The following SCN8A variants were observed in gnomAD, a reference collection of about 807,000 sequenced individuals.
SCN8A encodes the protein sodium voltage-gated channel alpha subunit 8, also known as sodium channel protein type 8 subunit alpha.
Under a neutral mutation model 184.1 loss-of-function variants are expected in SCN8A, and 30 were observed. The ratio of observed to expected loss-of-function variants is 0.16; its 90% CI spans 0.12 to 0.22. SCN8A has a LOEUF of 0.22. SCN8A is among the 10% of genes least tolerant of loss of function. The pLI is 1.00. For synonymous variants in SCN8A, 852 were observed against 907.0 expected, an observed-to-expected ratio of 0.94 and a Z score of 1.09; for missense variants, 1,057 against 2,498.9, an observed-to-expected ratio of 0.42 and a Z score of 12.30.
intron 25 of SCN8A, among the ~76,000 whole-genome samples, chr12:51,790,962 G>T (rs929785108): frequency 6.6e-6 from 1 of 152,098 alleles, no homozygotes; most frequent in Non-Finnish European, 1.5e-5. Flanking sequence ...AGCAGAAGAG[G>T]GTAAAACTAT....
chr12:51,779,334 C>G (rs1220924191), intron 20 of SCN8A, among the ~76,000 whole-genome samples: 13 of 152,090 alleles, frequency 8.5e-5, no homozygotes, highest in Non-Finnish European at 7.4e-5. Context: ...CAGCTCAGGC[C>G]CAGGAAGGCA....
intron 1 of SCN8A, among the ~76,000 whole-genome samples, chr12:51,613,042 G>A (rs11169891): frequency 0.066 from 10,113 of 152,080 alleles, 1,123 homozygotes; most frequent in African/African-American, 0.23. Flanking sequence ...TCTTTTTGTT[G>A]AGAAGTTTTG....
intron 26 of SCN8A, among the ~76,000 whole-genome samples, chr12:51,805,471 C>A (rs903738521): frequency 6.6e-6 from 1 of 150,728 alleles, no homozygotes; most frequent in African/African-American, 2.4e-5. Flanking sequence ...ATTTCCTAAC[C>A]ATAGTAGGAA....
At chr12:51,655,889 A>G (rs1161487482) in intron 1 of SCN8A, among the ~76,000 whole-genome samples, 3 of 152,210 alleles carry the variant, frequency 2.0e-5, no homozygotes, top group Non-Finnish European at 2.9e-5. Flanking sequence ...AAGGTCATTG[A>G]CTTAGAGATT....
Position 51,768,876 on chromosome 12 carries a change from G to A in SCN8A, c.2913G>A (p.Leu971=), listed in dbSNP as rs1942877783. 1 of 1,564,864 alleles carries A rather than the reference G, an allele frequency of 6.4e-7. No homozygotes were observed. The highest frequency in any genetic ancestry group is 8.7e-7 in the Non-Finnish European group (1 of 1,152,748). The change falls in exon 17 of 27, where the codon CTG becomes CTA. Residue 971 remains leucine, a synonymous_variant. Transcript: ENST00000627620. ...MVIGNLVVLN[L]FLALLLSSFS... ...TGCTACTGGCATAGGTGCTGAACCT[G>A]TTTCTGGCCTTGCTCCTGAGCTCCT... is the stretch of plus-strand genomic sequence containing the variant.
At chr12:51,772,004 C>T (rs933224489) in intron 19 of SCN8A, among the ~76,000 whole-genome samples, 1 of 152,208 alleles carries the variant, frequency 6.6e-6, no homozygotes, top group Non-Finnish European at 1.5e-5. Context: ...ACTTTCTTTA[C>T]TGCTCACCTT....
chr12:51,795,994 C>G (rs966249353), intron 26 of SCN8A, among the ~76,000 whole-genome samples: 10 of 152,026 alleles, frequency 6.6e-5, no homozygotes, highest in Non-Finnish European at 1.3e-4. Flanking sequence ...CTGCAGTGAG[C>G]TGAGATCACG....
chr12:51,782,600 C>A (rs1237452609), intron 21 of SCN8A, among the ~76,000 whole-genome samples: 1 of 152,222 alleles, frequency 6.6e-6, no homozygotes, highest in Admixed American at 6.5e-5. Flanking sequence ...GAAATCCCCC[C>A]ATCCCCCTAC....
chr12:51,807,437 C>T lies in SCN8A; in HGVS notation c.*8C>T, dbSNP rs1057520364. The stretch of plus-strand genomic sequence containing the variant: ...AGAGAATCCAAGTGTTAGAGGAGAA[C>T]AAAAATTCAGTATTATACAGATCTA... On this transcript the variant is annotated 3_prime_UTR_variant, in exon 27 of 27. Coordinates refer to ENST00000627620, the MANE Select transcript of SCN8A (RefSeq NM_001330260.2). This position sits in a 1 kb window ranked among gnomAD's most constrained non-coding sequence, Gnocchi z 4.5. 17 of 1,600,358 alleles carry T rather than the reference C, an allele frequency of 1.1e-5. No homozygotes were observed. In the East Asian group the frequency reaches 1.1e-4, roughly 11 times the overall value.
chr12:51,795,780 G>A (rs77450078), intron 26 of SCN8A, among the ~76,000 whole-genome samples: 4,153 of 151,928 alleles, frequency 0.027, 181 homozygotes, highest in African/African-American at 0.092. Context: ...GTGCAGTGGC[G>A]CGTGCCTGTA....
intron 2 of SCN8A, among the ~76,000 whole-genome samples, chr12:51,674,974 T>C (rs1371326498): frequency 1.3e-5 from 2 of 152,176 alleles, no homozygotes; most frequent in East Asian, 3.8e-4. Flanking sequence ...CCACTCTGCT[T>C]TGCTGCTTTC....
At chr12:51,803,814 C>T (rs534914044) in intron 26 of SCN8A, among the ~76,000 whole-genome samples, 2 of 152,158 alleles carry the variant, frequency 1.3e-5, no homozygotes, top group Non-Finnish European at 2.9e-5. Flanking sequence ...TTCTTGAAGG[C>T]TCAAATATCC....
chr12:51,602,581 A>T (rs1939491231), intron 1 of SCN8A, among the ~76,000 whole-genome samples: 1 of 152,214 alleles, frequency 6.6e-6, no homozygotes, highest in Non-Finnish European at 1.5e-5. Context: ...TTGTATACTT[A>T]AAAAACGGTT....
Position 51,806,192 on chromosome 12 carries a change from C to A in SCN8A, c.4796-90C>A. On this transcript the variant is annotated intron_variant, in intron 26 of 26. Transcript: ENST00000627620. The surrounding 1 kb of genome is among the most constrained non-coding windows in gnomAD (Gnocchi z 8.7). ...CACTTATTCTGCAAAGCCCTTTGAACCTAAGGGTTCCACAATGCCAGGTAA... is the reference window on the plus strand; with the variant it reads ...CACTTATTCTGCAAAGCCCTTTGAAACTAAGGGTTCCACAATGCCAGGTAA... 2.4e-6 allele frequency: 3 copies of A among 1,251,642 alleles called. No individual in the cohort carries two copies. Among genetic ancestry groups the A allele is most frequent in the Non-Finnish European group, 3.3e-6 (3 of 910,248 alleles). The allele number at this position is 1,251,642 out of a possible 1,614,324, so 77.5% of individuals were successfully genotyped here. A position where few individuals can be genotyped will look rare whatever the true frequency, so the allele number is the denominator to read the frequency against.
In SCN8A at chr12:51,636,209, G is replaced by C. The variant is rs565112155; in HGVS notation, c.-54-26555G>C. Among the ~76,000 whole-genome samples, 3 of 152,276 alleles carry C rather than the reference G, an allele frequency of 2.0e-5. No homozygotes were observed. In the East Asian group the frequency reaches 5.8e-4, roughly 29 times the overall value. On this transcript the variant is annotated intron_variant, in intron 1 of 26. Transcript: ENST00000627620. ...GACGGGGTTTCACCATGTTAGTTGG[G>C]GTGGTCTTGATCTCCTGACCTCGTG...
chr12:51,695,282 A>G (rs929126915), intron 6 of SCN8A, among the ~76,000 whole-genome samples: 4 of 152,246 alleles, frequency 2.6e-5, no homozygotes, highest in Non-Finnish European at 5.9e-5. Context: ...CTTAAAAGCT[A>G]ACTCACCAAT....
chr12:51,595,308 A>G (rs1461913328), intron 1 of SCN8A, among the ~76,000 whole-genome samples: 3 of 152,334 alleles, frequency 2.0e-5, no homozygotes, highest in South Asian at 4.1e-4. Flanking sequence ...TAACCTAAAA[A>G]AGAATAGTTT....
At chr12:51,643,922 C>T (rs899038302) in intron 1 of SCN8A, among the ~76,000 whole-genome samples, 7 of 152,204 alleles carry the variant, frequency 4.6e-5, no homozygotes, top group Admixed American at 2.6e-4. Flanking sequence ...ACACTCAAGA[C>T]GTTCTCATTG....
intron 12 of SCN8A, among the ~76,000 whole-genome samples, chr12:51,730,723 T>G (rs1046286097): frequency 5.3e-5 from 8 of 152,236 alleles, no homozygotes; most frequent in Non-Finnish European, 1.0e-4. Context: ...TTATATTCTT[T>G]TAGTTATTTT....
Sources: allele counts gnomAD v4.1 joint callset (sites outside exome capture counted in the v4.1 genomes callset), GRCh38; gene constraint gnomAD v4.1.1; non-coding constraint Gnocchi (gnomAD v3.1); transcripts MANE v1.5; gene names NCBI Gene and HGNC (gene_info 2026-07-23, HGNC 2026-07-21).